H6PD: variants seen among roughly 807,000 people sequenced by gnomAD.
The protein encoded by H6PD is GDH/6PGL endoplasmic bifunctional protein.
A neutral mutation model predicts 61.2 loss-of-function variants in H6PD; 48 were observed. The ratio of observed to expected loss-of-function variants is 0.78; its 90% confidence interval spans 0.62 to 1.00. The LOEUF (loss-of-function observed/expected upper bound fraction) is 1.00, where lower values mean the gene tolerates loss of function less well. Ranked by LOEUF, H6PD falls within the 50% of genes least tolerant of loss-of-function variation. The pLI is 0.00. For missense variants in H6PD, 1,093 were observed against 1,065.0 expected (o/e 1.03, Z -0.37); for synonymous variants, 480 against 457.9 (o/e 1.05, Z -0.62).
At chr1:9,247,894 G>T (rs1273101646) in intron 3 of H6PD, among the ~76,000 whole-genome samples, 1 of 152,222 alleles carries the variant, frequency 6.6e-6, no homozygotes, top group East Asian at 1.9e-4. Context: ...AAGATGTAAA[G>T]CACTGGCTCT....
intron 1 of H6PD, among the ~76,000 whole-genome samples, chr1:9,241,200 T>C (rs1640987175): frequency 6.6e-6 from 1 of 152,104 alleles, no homozygotes; most frequent in Admixed American, 6.5e-5. Flanking sequence ...ATTTAATTAA[T>C]TAATTAACAT....
rs776419772 is a variant in H6PD, at chr1:9,263,897, C to T, written c.1404C>T (p.Gly468=). The T allele has an allele frequency of 6.8e-6, 11 of 1,614,122 alleles. No individual in the cohort carries two copies. The highest frequency in any genetic ancestry group is 8.5e-6 in the Non-Finnish European group (10 of 1,180,000). Residue 468 remains glycine (G), a synonymous_variant, in exon 5 of 5, where the codon GGC becomes GGT. Coordinates refer to ENST00000377403, the MANE Select transcript of H6PD (RefSeq NM_004285.4). ...TCCTCTTATCCCATATCTTCCATGG[C>T]CGGAAGAATTTCTTCATCACCACAG... The part of the protein sequence containing the change: ...HSVLLSHIFH[G]RKNFFITTEN...
At chr1:9,235,118 C>T (rs1640814813) in intron 1 of H6PD, 52 bp downstream of exon 1, 1 of 149,518 alleles carries the variant, frequency 6.7e-6, no homozygotes, top group Non-Finnish European at 1.5e-5. Flanking sequence ...CGCCTCCAAC[C>T]CGCGCTGCCG....
chr1:9,239,842 T>C lies in H6PD; in HGVS notation c.-11+4776T>C, dbSNP rs2100307564. ...GATTAGAACTGCTTCCTCCTGTGGT[T>C]TACCAGAAAACGCTCTGCGGCTAGA... On this transcript the variant is annotated intron_variant, in intron 1 of 4. Coordinates refer to ENST00000377403, the MANE Select transcript of H6PD (RefSeq NM_004285.4). The C allele has an allele frequency of 7.1e-6, 3 of 423,516 alleles. 1 individual carries two copies. The South Asian group carries it at 3.7e-4, about 52-fold the overall frequency. 26.2% of individuals were successfully genotyped at this position (423,516 alleles called of 1,614,324 possible). A position where few individuals can be genotyped will look rare whatever the true frequency, so the allele number is the denominator to read the frequency against.
Position 9,245,356 on chromosome 1 carries a change from A to G in H6PD, c.422A>G (p.Tyr141Cys), listed in dbSNP as rs144456985. ...CTCCGGGAGGCTGGCAGGATCTTCTACTTCTCAGTGCCACCCTTCGCCTAT... is the reference window on the plus strand; with the variant it reads ...CTCCGGGAGGCTGGCAGGATCTTCTGCTTCTCAGTGCCACCCTTCGCCTAT... Reference protein sequence around the residue: ...AGLREAGRIFYFSVPPFAYED... With the variant: ...AGLREAGRIFCFSVPPFAYED... Residue 141 changes from tyrosine to cysteine, a missense_variant, in exon 2 of 5, where the codon TAC (tyrosine) becomes TGC (cysteine). Physicochemically the swap from Tyr to Cys is radical, Grantham distance 194. Coordinates refer to ENST00000377403, the MANE Select transcript of H6PD (RefSeq NM_004285.4). The surrounding 1 kb of genome is among the most constrained non-coding windows in gnomAD (Gnocchi z 4.8). The G allele has an allele frequency of 1.0e-4, 168 of 1,614,108 alleles. 1 individual carries two copies. The highest frequency in any genetic ancestry group is 3.3e-4 in the South Asian group (30 of 91,074).
At position 9,263,706 on chromosome 1, in the gene H6PD, G is replaced by A. The variant is rs1320040805; in HGVS notation, c.1213G>A (p.Gly405Ser). The change falls in exon 5 of 5, where the codon GGC becomes AGC. Residue 405 changes from glycine to serine, a missense_variant. Coordinates refer to ENST00000377403, the MANE Select transcript of H6PD (RefSeq NM_004285.4). ...GCAGCTCGTCTTCCACATCGGCCATGGCGACCTGGGCAGCCCTGCCGTGCT... is the reference window on the plus strand; with the variant it reads ...GCAGCTCGTCTTCCACATCGGCCATAGCGACCTGGGCAGCCCTGCCGTGCT... The part of the protein sequence containing the change: ...PRQLVFHIGH[G>S]DLGSPAVLVS... The A allele has an allele frequency of 4.3e-6, 7 of 1,613,912 alleles. No homozygotes were observed. The Admixed American group carries it at 5.0e-5, about 12-fold the overall frequency.
intron 3 of H6PD, among the ~76,000 whole-genome samples, chr1:9,255,265 T>A (rs1297812487): frequency 9.0e-6 from 1 of 111,568 alleles, no homozygotes; most frequent in Non-Finnish European, 1.8e-5. Context: ...CCAATAACTC[T>A]TATTTATTTA....
intron 1 of H6PD, among the ~76,000 whole-genome samples, 162 bp downstream of exon 1, chr1:9,235,228 C>T (rs1640818563): frequency 2.0e-5 from 3 of 152,018 alleles, no homozygotes; most frequent in Admixed American, 2.0e-4. Flanking sequence ...GCCAGGCTCC[C>T]TCCAGGGTCG....
At chr1:9,237,991 A>T (rs1203725523) in intron 1 of H6PD, among the ~76,000 whole-genome samples, 1 of 152,262 alleles carries the variant, frequency 6.6e-6, no homozygotes, top group Non-Finnish European at 1.5e-5. Flanking sequence ...GACAATAGGC[A>T]AAATGAATGT....
At chr1:9,252,215 ATTCT>A (rs2100353819) in intron 3 of H6PD, among the ~76,000 whole-genome samples, 1 of 152,258 alleles carries the variant, frequency 6.6e-6, no homozygotes, top group South Asian at 2.1e-4. Context: ...TTTTATGTCC[ATTCT>A]TTATGTCATA....
Position 9,263,645 on chromosome 1 carries a change from G to C in H6PD, c.1152G>C (p.Lys384Asn). The C allele has an allele frequency of 6.2e-7, 1 of 1,614,238 alleles. No individual in the cohort carries two copies. Among genetic ancestry groups the C allele is most frequent in the East Asian group, 2.2e-5 (1 of 44,888 alleles). The change falls in exon 5 of 5, where the codon AAG becomes AAC. Residue 384 changes from lysine (K) to asparagine (N), a missense_variant. By Grantham distance (94) the Lys-to-Asn change is moderately conservative (BLOSUM62 0). Coordinates refer to ENST00000377403, the MANE Select transcript of H6PD (RefSeq NM_004285.4). ...KNQACCVQSE[K>N]HWAAAQSQCL... ...AGGCCTGCTGTGTGCAGAGCGAAAA[G>C]CACTGGGCCGCGGCGCAGAGCCAGT...
rs1160250206 is a variant in H6PD at position 9,264,805 on chromosome 1, C to T, written c.2312C>T (p.Ser771Leu). The change falls in exon 5 of 5, where the codon TCG (serine) becomes TTG (leucine). Residue 771 changes from serine (S) to leucine (L), a missense_variant. By Grantham distance (145) the Ser-to-Leu change is moderately radical (BLOSUM62 -2). Coordinates refer to ENST00000377403, the MANE Select transcript of H6PD (RefSeq NM_004285.4). ...CATGAGCCCAAGAAGTGGCCCATCT[C>T]GGGTGTCCTGCCGCACTCCGGCCAG... Reference protein sequence around the residue: ...VGHEPKKWPISGVLPHSGQLV... With the variant: ...VGHEPKKWPILGVLPHSGQLV... 1.3e-5 allele frequency: 21 copies of T among 1,612,928 alleles called. No homozygotes were observed. The highest frequency in any genetic ancestry group is 4.5e-5 in the East Asian group (2 of 44,890).
At chr1:9,253,994 C>A (rs1220199815) in intron 3 of H6PD, among the ~76,000 whole-genome samples, 2 of 152,174 alleles carry the variant, frequency 1.3e-5, no homozygotes, top group Non-Finnish European at 2.9e-5. Flanking sequence ...GGGATTGTTG[C>A]TTGTTCGTAT....
chr1:9,257,939 T>A (rs2100370657), intron 3 of H6PD, among the ~76,000 whole-genome samples: 1 of 152,362 alleles, frequency 6.6e-6, no homozygotes, highest in Non-Finnish European at 1.5e-5. Flanking sequence ...GTCCTGTATA[T>A]TCGAGTCACC....
At chr1:9,249,829 T>C (rs1288459306) in intron 3 of H6PD, among the ~76,000 whole-genome samples, 1 of 152,176 alleles carries the variant, frequency 6.6e-6, no homozygotes, top group African/African-American at 2.4e-5. Flanking sequence ...CCTTGATAGC[T>C]CGTAGCAGGG....
In H6PD at chr1:9,264,929, C is replaced by G; in HGVS notation, c.*60C>G. 6.3e-7 allele frequency: 1 copy of G among 1,575,190 alleles called. No individual in the cohort carries two copies. On this transcript the variant is annotated 3_prime_UTR_variant, in exon 5 of 5. Transcript: ENST00000377403. ...GCTTTCCTTCGCCCGTGTCTTCCCT[C>G]CCTTCTCGGCCCCGCCACCTGCCCA... is the stretch of plus-strand genomic sequence containing the variant.
chr1:9,237,778 G>T (rs114927705), intron 1 of H6PD, among the ~76,000 whole-genome samples: 2,538 of 152,258 alleles, frequency 0.017, 65 homozygotes, highest in African/African-American at 0.058. Flanking sequence ...ACCATTAGAG[G>T]TATATTCCTT....
intron 3 of H6PD, among the ~76,000 whole-genome samples, chr1:9,259,580 A>G (rs1280335413): frequency 2.0e-5 from 3 of 150,702 alleles, no homozygotes; most frequent in South Asian, 4.2e-4. Context: ...GTGTTGTTAC[A>G]TTGTCACACC....
At chr1:9,239,372 A>T (rs6697931) in intron 1 of H6PD, among the ~76,000 whole-genome samples, 4,896 of 152,270 alleles carry the variant, frequency 0.032, 230 homozygotes, top group African/African-American at 0.11. Flanking sequence ...TGAGAGAGGA[A>T]CAAGGACCCC....
Sources: gnomAD v4.1 joint callset for allele counts (sites outside exome capture counted in the v4.1 genomes callset) on GRCh38, gnomAD v4.1.1 for gene constraint, Gnocchi (gnomAD v3.1) non-coding constraint, MANE v1.5 for transcripts, NCBI Gene and HGNC (gene_info 2026-07-23, HGNC 2026-07-21) for gene names.